MYO15B: variants seen among roughly 807,000 people sequenced by gnomAD.
MYO15B encodes the protein myosin XVB pseudogene.
A neutral mutation model predicts 119.3 loss-of-function variants in MYO15B; 207 were observed. That is an observed-to-expected ratio of 1.73 (90% confidence interval 1.55 to 1.95). The LOEUF is 1.95. Among genes scored for constraint, MYO15B ranks in the 30% most tolerant of loss-of-function variants. MYO15B has a pLI of 0.00. For synonymous variants in MYO15B, 966 were observed against 498.9 expected, an observed-to-expected ratio of 1.94 and a Z score of -12.48; for missense variants, 2,264 against 1,203.1, an observed-to-expected ratio of 1.88 and a Z score of -13.04.
At chr17:75,607,055 T>C (rs1192385520) in intron 21 of MYO15B, 1 of 398,022 alleles carries the variant, frequency 2.5e-6, no homozygotes, top group Non-Finnish European at 4.4e-6. Context: ...GGTTGGGAAG[T>C]CAGATTCAGA....
exon 1 of MYO15B, chr17:75,590,085 G>T: frequency 2.5e-6 from 1 of 399,092 alleles, no homozygotes; most frequent in Non-Finnish European, 4.4e-6. Context: ...GTGGGTCCCT[G>T]AGGGAGCTGT....
At chr17:75,624,496 G>A in intron 57 of MYO15B, 47 bp from the exon 58 acceptor site, 1 of 703,008 alleles carries the variant, frequency 1.4e-6, no homozygotes, top group Admixed American at 2.0e-5. Flanking sequence ...TCAGTTCTGG[G>A]TCCCCCAGCC....
chr17:75,619,104 T>C (rs1207126117), intron 43 of MYO15B, 39 bp from the exon 44 acceptor site: 1 of 702,670 alleles, frequency 1.4e-6, no homozygotes, highest in Non-Finnish European at 2.6e-6. Context: ...GTGGGCTCTG[T>C]CTCAGGACCT....
At chr17:75,596,729 C>T in intron 13 of MYO15B, 39 bp from the exon 14 acceptor site, 2 of 686,226 alleles carry the variant, frequency 2.9e-6, no homozygotes, top group Non-Finnish European at 2.7e-6. Context: ...GAGGGTTATC[C>T]CTGCTCCTGC....
At chr17:75,599,895 AAATAATAATAAT>A (rs139880034) in intron 14 of MYO15B, among the ~76,000 whole-genome samples, 3 of 145,552 alleles carry the variant, frequency 2.1e-5, no homozygotes, top group African/African-American at 7.6e-5. Context: ...ACTCGTCTCA[AAATAATAATAAT>A]AATAATAATA....
intron 41 of MYO15B, 54 bp downstream of exon 41, chr17:75,617,358 T>C (rs1022573702): frequency 4.6e-5 from 27 of 587,608 alleles, no homozygotes; most frequent in Non-Finnish European, 8.2e-5. Context: ...AGAGGCAGGG[T>C]TCGCACAGAC....
chr17:75,616,268 T>G, intron 37 of MYO15B, 44 bp from the exon 38 acceptor site: 1 of 593,572 alleles, frequency 1.7e-6, no homozygotes. Context: ...GGAGCCCAGC[T>G]GGGCCAGTAT....
exon 10 of MYO15B, chr17:75,594,557 G>C: frequency 1.5e-6 from 1 of 651,446 alleles, no homozygotes; most frequent in East Asian, 2.7e-5. Context: ...CCACCAGAGT[G>C]CCTGGAGGGG....
chr17:75,619,266 G>A lies in MYO15B; in HGVS notation c.7063+48G>A, dbSNP rs78918218. 9.8e-4 allele frequency: 691 copies of A among 702,712 alleles called. 1 individual carries two copies. The highest frequency in any genetic ancestry group is 1.0e-3 in the Non-Finnish European group (393 of 384,930). The allele number at this position is 702,712 out of a possible 1,614,324, so 43.5% of individuals were successfully genotyped here. Reference sequence around the variant, plus strand: ...GTTGGGAGCTTGAGTGCTGGGGGCCGCGCCTGCCCTGAAGGAGGGAGCAGC... The same window carrying A: ...GTTGGGAGCTTGAGTGCTGGGGGCCACGCCTGCCCTGAAGGAGGGAGCAGC... On this transcript the variant is annotated intron_variant, in intron 44 of 63. Coordinates refer to ENST00000645453, the Ensembl canonical transcript of MYO15B.
exon 29 of MYO15B, chr17:75,613,744 G>T: frequency 1.4e-6 from 1 of 702,586 alleles, no homozygotes; most frequent in African/African-American, 1.7e-5. Context: ...TGGACCACCG[G>T]GGAGCAGCTG....
At chr17:75,617,178 G>A in exon 41 of MYO15B, 1 of 692,936 alleles carries the variant, frequency 1.4e-6, no homozygotes, top group South Asian at 1.5e-5. Flanking sequence ...CTCCATCAAG[G>A]AAAAGCAGGG....
In MYO15B at chr17:75,589,763, C is replaced by A; in HGVS notation, c.1706C>A (p.Ala569Asp). Residue 569 changes from alanine to aspartate, a missense_variant, in exon 1 of 64, where the codon GCC becomes GAC. Ala to Asp is a moderately radical substitution (Grantham distance 126, BLOSUM62 -2). Transcript: ENST00000645453. The surrounding 1 kb of genome is among the most constrained non-coding windows in gnomAD (Gnocchi z 4.2). Reference sequence around the variant, plus strand: ...AGCTCTGAAGAAGCGTCCGCAGATGCCCCCACGGGGGAAGGCCGAGGTTGG... The same window carrying A: ...AGCTCTGAAGAAGCGTCCGCAGATGACCCCACGGGGGAAGGCCGAGGTTGG... 2.5e-6 allele frequency: 1 copy of A among 398,694 alleles called. No individual in the cohort carries two copies. The highest frequency in any genetic ancestry group is 4.4e-6 in the Non-Finnish European group (1 of 226,052). 24.7% of individuals were successfully genotyped at this position (398,694 alleles called of 1,614,324 possible). A position where few individuals can be genotyped will look rare whatever the true frequency, so the allele number is the denominator to read the frequency against.
In MYO15B at chr17:75,602,657, TC is replaced by T. The variant is rs918836732; in HGVS notation, c.3729+68del. On this transcript the variant is annotated intron_variant, in intron 16 of 63. Coordinates refer to ENST00000645453, the Ensembl canonical transcript of MYO15B. The stretch of plus-strand genomic sequence containing the variant: ...ACTCTGTCCCCCAATTCTGTCCTTT[TC>T]CCCCTGGGCGCTCTTGCCCAAGGGT... 6 of 614,640 alleles carry T rather than the reference TC, an allele frequency of 9.8e-6. No individual in the cohort carries two copies. The Middle Eastern group carries it at 8.2e-4, about 84-fold the overall frequency. 38.1% of individuals were successfully genotyped at this position (614,640 alleles called of 1,614,324 possible).
Position 75,592,426 on chromosome 17 carries a change from A to C in MYO15B, c.2716-2A>C. 1 of 630,002 alleles carries C rather than the reference A, an allele frequency of 1.6e-6. No individual in the cohort carries two copies. Among genetic ancestry groups the C allele is most frequent in the South Asian group, 1.8e-5 (1 of 55,488 alleles). The allele number at this position is 630,002 out of a possible 1,614,324, so 39.0% of individuals were successfully genotyped here. A position where few individuals can be genotyped will look rare whatever the true frequency, so the allele number is the denominator to read the frequency against. The stretch of plus-strand genomic sequence containing the variant: ...AGCCCCTAAGCCAGTCCTGTCCCCA[A>C]GGCCCAGGCTGAGCGGAGCTTCCAT... On this transcript the variant is annotated splice_acceptor_variant, in intron 7 of 63. Coordinates refer to ENST00000645453, the Ensembl canonical transcript of MYO15B. LOFTEE classifies it high-confidence loss of function.
At chr17:75,616,536 C>T (rs906284838) in exon 39 of MYO15B, 35 of 702,482 alleles carry the variant, frequency 5.0e-5, no homozygotes, top group Non-Finnish European at 8.1e-5. Flanking sequence ...CCGTCCCCTC[C>T]TCCTCCCCCC....
chr17:75,616,024 G>C (rs1465470941), intron 36 of MYO15B, 45 bp from the exon 37 acceptor site: 11 of 582,204 alleles, frequency 1.9e-5, no homozygotes, highest in Non-Finnish European at 3.4e-5. Flanking sequence ...TGGCGAGTGT[G>C]GCACCCAGGC....
Position 75,614,982 on chromosome 17 carries a change from C to CT in MYO15B, c.5582dup (p.Ser1862GlufsTer140), listed in dbSNP as rs1475669102. The CT allele has an allele frequency of 2.8e-6, 2 of 703,070 alleles. No homozygotes were observed. The highest frequency in any genetic ancestry group is 4.0e-5 in the Admixed American group (2 of 50,014). The allele number at this position is 703,070 out of a possible 1,614,324, so 43.6% of individuals were successfully genotyped here. On this transcript the variant is annotated frameshift_variant, in exon 33 of 64. Transcript: ENST00000645453. LOFTEE classifies it high-confidence loss of function. ...TTAGGATCTGGAACAAAGCTGGGCT[C>CT]TGAGCAGCCGCATGAAGGGAGGGGG...
chr17:75,626,628 C>T (rs887752624), exon 64 of MYO15B: 1 of 628,576 alleles, frequency 1.6e-6, no homozygotes, highest in Admixed American at 2.5e-5. Context: ...GGCCATGAGG[C>T]AGGGGCTGCT....
At chr17:75,618,258 T>TGGGCCAGGTTAACACCACGTA (rs2058497656) in intron 43 of MYO15B, 73 bp downstream of exon 43, 1 of 697,946 alleles carries the variant, frequency 1.4e-6, no homozygotes, top group Admixed American at 2.0e-5. Flanking sequence ...GTCTAATGGC[T>TGGGCCAGGTTAACACCACGTA]GGGCCAGGTT....
Sources: allele counts gnomAD v4.1 joint callset (sites outside exome capture counted in the v4.1 genomes callset), GRCh38; gene constraint gnomAD v4.1.1; non-coding constraint Gnocchi (gnomAD v3.1); transcripts MANE v1.5; gene names NCBI Gene and HGNC (gene_info 2026-07-23, HGNC 2026-07-21).